Variants in GLT8D2 observed in about 807,000 individuals in gnomAD.
GLT8D2 encodes the protein glycosyltransferase 8 domain containing 2, also known as glycosyltransferase 8 domain-containing protein 2.
Under a neutral mutation model 44.5 loss-of-function variants are expected in GLT8D2, and 45 were observed. The observed-to-expected ratio is 1.01, with a 90% CI of 0.80 to 1.30. The LOEUF (loss-of-function observed/expected upper bound fraction) is 1.30. Ranked by LOEUF, GLT8D2 falls within the 50% of genes most tolerant of loss-of-function variation. GLT8D2 has a pLI of 0.00. For missense variants in GLT8D2, 400 were observed against 430.4 expected, an observed-to-expected ratio of 0.93 and a Z score of 0.62; for synonymous variants, 156 against 157.2, an observed-to-expected ratio of 0.99 and a Z score of 0.06.
At chr12:104,007,463 CT>C (rs1265587128) in intron 4 of GLT8D2, among the ~76,000 whole-genome samples, 1 of 152,088 alleles carries the variant, frequency 6.6e-6, no homozygotes, top group Non-Finnish European at 1.5e-5. Context: ...CCTTCTATGT[CT>C]TTTCTACCAG....
intron 1 of GLT8D2, among the ~76,000 whole-genome samples, chr12:104,022,665 T>C (rs533884867): frequency 4.8e-4 from 73 of 152,222 alleles, no homozygotes; most frequent in African/African-American, 1.6e-3. Flanking sequence ...TTCTGACTAA[T>C]AAATAGCAGC....
At chr12:104,061,340 T>G (rs1197051166) in intron 1 of GLT8D2, among the ~76,000 whole-genome samples, 2 of 152,232 alleles carry the variant, frequency 1.3e-5, no homozygotes, top group Non-Finnish European at 2.9e-5. Flanking sequence ...CTAGTTTTTT[T>G]AAATTTGAAG....
chr12:104,052,041 C>T (rs139650616), upstream of GLT8D2, among the ~76,000 whole-genome samples: 1 of 152,126 alleles, frequency 6.6e-6, no homozygotes, highest in Non-Finnish European at 1.5e-5. Flanking sequence ...AGTAAATTCA[C>T]GAGTCCAGGT....
intron 1 of GLT8D2, among the ~76,000 whole-genome samples, chr12:104,042,188 G>T (rs1488961168): frequency 6.6e-6 from 1 of 152,200 alleles, no homozygotes; most frequent in Non-Finnish European, 1.5e-5. Context: ...TAGATCTGAT[G>T]CACAGAGACT....
intron 1 of GLT8D2, chr12:104,049,368 TA>T (rs1184663287): frequency 6.6e-6 from 1 of 152,160 alleles, no homozygotes; most frequent in Non-Finnish European, 1.5e-5. Context: ...TTTTAATGTT[TA>T]AAAAGCATTT....
In GLT8D2 at chr12:104,015,035, C is replaced by T. The variant is rs1876373175; in HGVS notation, c.90G>A (p.Gly30=). Residue 30 remains glycine, a synonymous_variant, in exon 4 of 11, where the codon GGG becomes GGA. Transcript: ENST00000360814. ...CVILYKKVHK[G]TVPKNDADDE... ...CACCTGCGTCATTCTTGGGCACAGT[C>T]CCCTTATGAACTTTCTTATACAGAA... is the stretch of plus-strand genomic sequence containing the variant. 2 of 1,613,136 alleles carry T rather than the reference C, an allele frequency of 1.2e-6. No homozygotes were observed. Among genetic ancestry groups the T allele is most frequent in the African/African-American group, 1.3e-5 (1 of 74,896 alleles).
At chr12:104,041,831 G>C (rs1019117218) in intron 1 of GLT8D2, among the ~76,000 whole-genome samples, 3 of 152,204 alleles carry the variant, frequency 2.0e-5, no homozygotes, top group Non-Finnish European at 2.9e-5. Context: ...CTTGGTAGAT[G>C]TAAGCATGGG....
rs1555279032 is a variant in GLT8D2, at chr12:104,016,882, G to GAA, written c.20-1779_20-1778dup. On this transcript the variant is annotated intron_variant, in intron 3 of 10. Coordinates refer to ENST00000360814, the MANE Select transcript of GLT8D2 (RefSeq NM_001384711.1). The stretch of plus-strand genomic sequence containing the variant: ...AGAAAGAAAGAAAGAAAGAAAGAAA[G>GAA]AAAAATAAAGAGAGAAAGAAAGAAA... Among the ~76,000 whole-genome samples the GAA allele has an allele frequency of 3.3e-4, 47 of 140,366 alleles. 1 individual carries two copies. Among genetic ancestry groups the GAA allele is most frequent in the Middle Eastern group, 3.7e-3 (1 of 268 alleles). The allele number at this position is 140,366 out of a possible 152,430, so 92.1% of individuals were successfully genotyped here.
intron 1 of GLT8D2, among the ~76,000 whole-genome samples, chr12:104,040,765 T>C (rs954728434): frequency 3.9e-5 from 6 of 152,152 alleles, no homozygotes; most frequent in Non-Finnish European, 2.9e-5. Flanking sequence ...CTAAGTACTA[T>C]GAGACTCGAG....
intron 4 of GLT8D2, among the ~76,000 whole-genome samples, chr12:104,007,266 C>CTCTCTCTCTCTCTCTCTG (rs1555277856): frequency 7.5e-6 from 1 of 133,348 alleles, no homozygotes; most frequent in African/African-American, 2.7e-5. Flanking sequence ...CTCTCTCTCT[C>CTCTCTCTCTCTCTCTCTG]CCCCCGCTCT....
At chr12:104,027,918 T>A (rs1878776078) in intron 1 of GLT8D2, among the ~76,000 whole-genome samples, 1 of 152,158 alleles carries the variant, frequency 6.6e-6, no homozygotes, top group Non-Finnish European at 1.5e-5. Context: ...AGATAACAGA[T>A]TTCACCGTGT....
At chr12:104,022,952 C>A (rs1353372500) in intron 1 of GLT8D2, among the ~76,000 whole-genome samples, 2 of 152,160 alleles carry the variant, frequency 1.3e-5, no homozygotes, top group African/African-American at 4.8e-5. Context: ...TAGATGTATT[C>A]CAAGAACAAC....
chr12:104,016,745 AAGAAAGAAAG>A (rs1876733968), intron 3 of GLT8D2, among the ~76,000 whole-genome samples: 1 of 110,296 alleles, frequency 9.1e-6, no homozygotes, highest in African/African-American at 3.4e-5. Flanking sequence ...GAAAGAAAGA[AAGAAAGAAAG>A]AAAGAAAGAA....
chr12:104,024,768 C>T lies in GLT8D2; in HGVS notation c.-163-3277G>A, dbSNP rs577512788. The stretch of plus-strand genomic sequence containing the variant: ...AGTTTTGGGAGTTGTTTATATATTC[C>T]GCATACAAGTCCTGTGTTAGGCCTC... On this transcript the variant is annotated intron_variant, in intron 1 of 10. Transcript: ENST00000360814. Among the ~76,000 whole-genome samples the T allele has an allele frequency of 2.4e-4, 37 of 151,740 alleles. No individual in the cohort carries two copies. The South Asian group carries it at 5.2e-3, about 21-fold the overall frequency.
intron 4 of GLT8D2, among the ~76,000 whole-genome samples, chr12:104,005,316 G>A (rs1309102408): frequency 6.6e-6 from 1 of 152,154 alleles, no homozygotes; most frequent in Non-Finnish European, 1.5e-5. Flanking sequence ...CAGGACATAG[G>A]CATGGGCAAG....
chr12:104,034,681 G>A (rs1483956531), intron 1 of GLT8D2, among the ~76,000 whole-genome samples: 1 of 152,270 alleles, frequency 6.6e-6, no homozygotes, highest in East Asian at 1.9e-4. Flanking sequence ...CGCAAAGCCA[G>A]CTGCCTCTGT....
intron 1 of GLT8D2, among the ~76,000 whole-genome samples, chr12:104,033,847 C>T (rs2136444407): frequency 6.7e-6 from 1 of 150,174 alleles, no homozygotes; most frequent in East Asian, 2.0e-4. Context: ...TTTTCAGAGA[C>T]AGGATTGTCA....
intron 1 of GLT8D2, among the ~76,000 whole-genome samples, chr12:104,061,485 T>C (rs1357608451): frequency 6.6e-6 from 1 of 152,130 alleles, no homozygotes; most frequent in Admixed American, 6.6e-5. Flanking sequence ...TTGGGTTTTA[T>C]GAAAAACTCA....
intron 1 of GLT8D2, among the ~76,000 whole-genome samples, chr12:104,025,431 A>G (rs536671087): frequency 6.6e-6 from 1 of 150,972 alleles, no homozygotes; most frequent in East Asian, 2.0e-4. Context: ...CTGGTCTTGA[A>G]CTCCTGAGCT....
Sources: gnomAD v4.1 joint callset for allele counts (sites outside exome capture counted in the v4.1 genomes callset) on GRCh38, gnomAD v4.1.1 for gene constraint, MANE v1.5 for transcripts, NCBI Gene and HGNC (gene_info 2026-07-23, HGNC 2026-07-21) for gene names.